UGGT2: variants seen among roughly 807,000 people sequenced by gnomAD.
The protein encoded by UGGT2 is UDP-glucose glycoprotein glucosyltransferase 2, also known as UDP-glucose:glycoprotein glucosyltransferase 2.
In UGGT2, 180 loss-of-function variants were observed where a neutral mutation model predicts 192.1. The observed-to-expected ratio is 0.94, with a 90% CI of 0.83 to 1.06. The LOEUF (loss-of-function observed/expected upper bound fraction) is 1.06. Among genes scored for constraint, UGGT2 ranks in the 50% least tolerant of loss-of-function variants. The probability of loss-of-function intolerance (pLI) is 0.00; values close to 1 mark genes in which losing one functional copy is unlikely to be tolerated. For missense variants in UGGT2, 1,849 were observed against 1,795.7 expected, an observed-to-expected ratio of 1.03 and a Z score of -0.54; for synonymous variants, 580 against 591.0, an observed-to-expected ratio of 0.98 and a Z score of 0.27.
intron 34 of UGGT2, among the ~76,000 whole-genome samples, chr13:95,855,492 TG>T (rs1889506982): frequency 7.2e-6 from 1 of 139,278 alleles, no homozygotes; most frequent in Admixed American, 7.2e-5. Context: ...CAGAGGGCCT[TG>T]GGTGTTTTTT....
chr13:95,863,096 C>A (rs1487559665), intron 31 of UGGT2, among the ~76,000 whole-genome samples: 1 of 152,136 alleles, frequency 6.6e-6, no homozygotes, highest in Non-Finnish European at 1.5e-5. Flanking sequence ...CTCCTGGGCT[C>A]AAGCAATCCT....
chr13:95,967,517 A>G (rs1424171073), intron 12 of UGGT2, among the ~76,000 whole-genome samples: 1 of 138,708 alleles, frequency 7.2e-6, no homozygotes, highest in Admixed American at 7.7e-5. Context: ...TCTATCGCCC[A>G]GGCTGGAGTG....
intron 1 of UGGT2, among the ~76,000 whole-genome samples, chr13:96,032,799 G>A (rs187224616): frequency 6.6e-6 from 1 of 152,292 alleles, no homozygotes; most frequent in African/African-American, 2.4e-5. Context: ...AACACATACA[G>A]ATTAACTAAT....
At chr13:96,031,780 T>C (rs866499214) in intron 2 of UGGT2, 109 bp downstream of exon 2, 3 of 727,134 alleles carry the variant, frequency 4.1e-6, no homozygotes, top group Middle Eastern at 5.6e-4. Context: ...TCGGATTTAC[T>C]AACCCAGTGA....
rs761741083 is a variant in UGGT2, at chr13:95,939,941, T to A, written c.1812+16A>T. 6.3e-7 allele frequency: 1 copy of A among 1,585,238 alleles called. No individual in the cohort carries two copies. ...TGTGCCTGGCCTACTCCACTTAACA[T>A]AATGTCCCAACTTACCTTTCTTTCT... On this transcript the variant is annotated intron_variant, in intron 16 of 38. Transcript: ENST00000376747.
chr13:95,823,304 T>C (rs893288307), intron 38 of UGGT2, among the ~76,000 whole-genome samples: 3 of 152,092 alleles, frequency 2.0e-5, no homozygotes, highest in Admixed American at 1.3e-4. Context: ...TTTTAGGGTA[T>C]AGCTTAAGTC....
intron 38 of UGGT2, among the ~76,000 whole-genome samples, chr13:95,819,731 G>T (rs757429717): frequency 4.7e-4 from 71 of 152,084 alleles, no homozygotes; most frequent in Non-Finnish European, 2.8e-4. Flanking sequence ...AAACATAAAG[G>T]CTCTTTCACA....
chr13:96,020,712 C>A (rs1322175982), intron 4 of UGGT2, among the ~76,000 whole-genome samples: 1 of 152,102 alleles, frequency 6.6e-6, no homozygotes, highest in Non-Finnish European at 1.5e-5. Context: ...TAAGTATTGA[C>A]CTTTTTCTTC....
Position 95,999,226 on chromosome 13 carries a change from C to T in UGGT2, c.742G>A (p.Asp248Asn), listed in dbSNP as rs753874034. 1 of 1,613,206 alleles carries T rather than the reference C, an allele frequency of 6.2e-7. No individual in the cohort carries two copies. Residue 248 changes from aspartate to asparagine, a missense_variant, in exon 6 of 39, where the codon GAT becomes AAT. Transcript: ENST00000376747. ...IKSTEYKALD[D>N]TQVKTVTNTT... ...GAGAACTTACTTTTAACTTGGGTAT[C>T]ATCCAGTGCTTTGTATTCTGTACTC...
At chr13:95,879,485 G>C (rs559945209) in intron 27 of UGGT2, among the ~76,000 whole-genome samples, 1 of 152,274 alleles carries the variant, frequency 6.6e-6, no homozygotes, top group South Asian at 2.1e-4. Context: ...GCCCAGGCTG[G>C]AGTACAGTGG....
intron 12 of UGGT2, among the ~76,000 whole-genome samples, chr13:95,963,835 T>G (rs1166311737): frequency 2.6e-5 from 4 of 152,124 alleles, no homozygotes; most frequent in Non-Finnish European, 5.9e-5. Context: ...GTAAAAGATC[T>G]GTACAAGAAA....
chr13:95,867,293 CTTAATA>C (rs1427626920), intron 30 of UGGT2, 40 bp downstream of exon 30: 25 of 1,426,396 alleles, frequency 1.8e-5, no homozygotes, highest in Middle Eastern at 2.0e-4. Context: ...GAAGATAATT[CTTAATA>C]TTAAGAACAA....
At chr13:95,986,493 A>G in intron 8 of UGGT2, 61 bp from the exon 9 acceptor site, 1 of 1,223,100 alleles carries the variant, frequency 8.2e-7, no homozygotes, top group Admixed American at 2.2e-5. Context: ...AGACATTTCC[A>G]TGAAATTGAA....
intron 12 of UGGT2, among the ~76,000 whole-genome samples, chr13:95,961,103 C>A (rs1284031152): frequency 6.6e-6 from 1 of 151,940 alleles, no homozygotes; most frequent in Non-Finnish European, 1.5e-5. Flanking sequence ...ACTGGTAGAA[C>A]AAACCACTGA....
At chr13:95,815,286 TGA>T (rs1282865258) in intron 38 of UGGT2, among the ~76,000 whole-genome samples, 1 of 152,228 alleles carries the variant, frequency 6.6e-6, no homozygotes, top group Non-Finnish European at 1.5e-5. Flanking sequence ...TTTTATTTGC[TGA>T]AGATATGATC....
intron 38 of UGGT2, among the ~76,000 whole-genome samples, chr13:95,802,444 C>T (rs983585210): frequency 2.2e-4 from 34 of 152,066 alleles, no homozygotes; most frequent in African/African-American, 8.0e-4. Flanking sequence ...AGATGGCAGA[C>T]TATATTTCTT....
intron 4 of UGGT2, among the ~76,000 whole-genome samples, chr13:96,017,382 A>G (rs1056935903): frequency 6.6e-6 from 1 of 152,122 alleles, no homozygotes; most frequent in Non-Finnish European, 1.5e-5. Flanking sequence ...TCATGCTCTC[A>G]CTATGTGACG....
chr13:95,934,573 AGTGG>A (rs981590925), intron 17 of UGGT2, among the ~76,000 whole-genome samples: 25 of 152,310 alleles, frequency 1.6e-4, no homozygotes, highest in African/African-American at 5.3e-4. Flanking sequence ...AAAAGCACAG[AGTGG>A]CAAGTTGGAT....
intron 38 of UGGT2, among the ~76,000 whole-genome samples, chr13:95,815,718 G>A (rs1373880242): frequency 6.6e-6 from 1 of 152,088 alleles, no homozygotes; most frequent in Non-Finnish European, 1.5e-5. Flanking sequence ...TTAAAAAAGA[G>A]CAAAAATCTT....
Sources: gnomAD v4.1 joint callset for allele counts (sites outside exome capture counted in the v4.1 genomes callset) on GRCh38, gnomAD v4.1.1 for gene constraint, MANE v1.5 for transcripts, NCBI Gene and HGNC (gene_info 2026-07-23, HGNC 2026-07-21) for gene names.